Variants in CACNA2D1 observed in about 807,000 individuals in gnomAD.
The protein encoded by CACNA2D1 is calcium voltage-gated channel auxiliary subunit alpha2delta 1.
In CACNA2D1, 53 loss-of-function variants were observed where a neutral mutation model predicts 171.5. The observed-to-expected ratio is 0.31, with a 90% confidence interval of 0.25 to 0.39. CACNA2D1 has a LOEUF of 0.39. CACNA2D1 is among the 10% of genes least tolerant of loss of function. The pLI is 1.00. For synonymous variants in CACNA2D1, 442 were observed against 443.1 expected, an observed-to-expected ratio of 1.00 and a Z score of 0.03; for missense variants, 903 against 1,299.8, an observed-to-expected ratio of 0.69 and a Z score of 4.69.
intron 10 of CACNA2D1, among the ~76,000 whole-genome samples, chr7:82,040,320 A>G (rs1168225398): frequency 1.3e-5 from 2 of 152,124 alleles, no homozygotes; most frequent in East Asian, 3.9e-4. Flanking sequence ...TAATTGAGGA[A>G]TAGAGAAGAG....
intron 3 of CACNA2D1, among the ~76,000 whole-genome samples, chr7:82,198,622 T>C (rs138102138): frequency 0.027 from 4,034 of 151,806 alleles, 99 homozygotes; most frequent in Middle Eastern, 0.089. Flanking sequence ...GGAAAACAAG[T>C]GGGCCCCTTC....
At position 82,086,949 on chromosome 7, in the gene CACNA2D1, G is replaced by A. The variant is rs117771527; in HGVS notation, c.527-2049C>T. 1.7e-3 allele frequency among the ~76,000 whole-genome samples: 252 copies of A among 152,192 alleles called. 3 individuals carry two copies. The East Asian group carries it at 0.019, about 12-fold the overall frequency. Reference sequence around the variant, plus strand: ...CTATTATCCTGGCAATATGTTTTAAGATTTCCAGTTGATGCTTTGAAAATT... The same window carrying A: ...CTATTATCCTGGCAATATGTTTTAAAATTTCCAGTTGATGCTTTGAAAATT... On this transcript the variant is annotated intron_variant, in intron 6 of 38. Transcript: ENST00000356860.
At chr7:82,327,716 A>G (rs910513230) in intron 3 of CACNA2D1, among the ~76,000 whole-genome samples, 1 of 152,172 alleles carries the variant, frequency 6.6e-6, no homozygotes, top group Admixed American at 6.5e-5. Context: ...CAGCTCAAAC[A>G]CGGTGATTTC....
At chr7:82,237,494 A>G (rs1248453413) in intron 3 of CACNA2D1, among the ~76,000 whole-genome samples, 1 of 151,926 alleles carries the variant, frequency 6.6e-6, no homozygotes, top group Non-Finnish European at 1.5e-5. Flanking sequence ...TACATCAGGT[A>G]TGACTAGGTT....
At chr7:82,207,617 C>A (rs1458399400) in intron 3 of CACNA2D1, among the ~76,000 whole-genome samples, 1 of 152,016 alleles carries the variant, frequency 6.6e-6, no homozygotes, top group Non-Finnish European at 1.5e-5. Context: ...AGGACAGAGG[C>A]AATTTTAATC....
intron 3 of CACNA2D1, among the ~76,000 whole-genome samples, chr7:82,243,891 C>T (rs907018420): frequency 2.6e-5 from 4 of 152,244 alleles, no homozygotes; most frequent in Non-Finnish European, 2.9e-5. Context: ...ACTTAAAGGT[C>T]AAAATTTCCA....
intron 3 of CACNA2D1, among the ~76,000 whole-genome samples, chr7:82,239,660 G>A (rs956388495): frequency 2.6e-5 from 4 of 152,140 alleles, no homozygotes; most frequent in Admixed American, 2.6e-4. Context: ...AAAGGTAGTG[G>A]AAGAGTTGTC....
chr7:82,092,059 GACA>G (rs1209295825), intron 6 of CACNA2D1, among the ~76,000 whole-genome samples: 1 of 152,106 alleles, frequency 6.6e-6, no homozygotes, highest in Non-Finnish European at 1.5e-5. Flanking sequence ...GTCTTACATA[GACA>G]ACAACTTTTG....
intron 4 of CACNA2D1, among the ~76,000 whole-genome samples, chr7:82,166,029 T>C (rs1243987864): frequency 6.6e-6 from 1 of 152,038 alleles, no homozygotes; most frequent in Admixed American, 6.6e-5. Flanking sequence ...TACAGTGTGT[T>C]TTCCCATTCC....
At chr7:82,290,975 C>T (rs1264271071) in intron 3 of CACNA2D1, among the ~76,000 whole-genome samples, 2 of 138,878 alleles carry the variant, frequency 1.4e-5, no homozygotes, top group Non-Finnish European at 3.1e-5. Flanking sequence ...ACTTTCTTTT[C>T]TTTTTTTTTT....
chr7:82,266,561 G>C (rs904953610), intron 3 of CACNA2D1, among the ~76,000 whole-genome samples: 9 of 152,058 alleles, frequency 5.9e-5, no homozygotes, highest in African/African-American at 2.2e-4. Context: ...TTGTCACTCA[G>C]GCTGGAGTGC....
At chr7:82,190,025 C>T (rs1798139498) in intron 3 of CACNA2D1, among the ~76,000 whole-genome samples, 1 of 151,786 alleles carries the variant, frequency 6.6e-6, no homozygotes, top group South Asian at 2.1e-4. Flanking sequence ...TTAGGTAACC[C>T]TACTTTGCCT....
rs1458121397 is a variant in CACNA2D1, at chr7:82,203,283, T to C, written c.295-32674A>G. 2.0e-5 allele frequency among the ~76,000 whole-genome samples: 3 copies of C among 152,290 alleles called. No individual in the cohort carries two copies. In the East Asian group the frequency reaches 5.8e-4, roughly 30 times the overall value. ...TAAATATTTTACACAGCTTGGTAGC[T>C]GTGCCATCTATCGTGGACTTGATGG... On this transcript the variant is annotated intron_variant, in intron 3 of 38. Transcript: ENST00000356860.
At chr7:82,426,182 CAT>C (rs1563536500) in intron 1 of CACNA2D1, among the ~76,000 whole-genome samples, 732 of 71,436 alleles carry the variant, frequency 0.01, 7 homozygotes, top group African/African-American at 0.056. Flanking sequence ...TAAATAAATA[CAT>C]AAATTCTATT....
intron 3 of CACNA2D1, among the ~76,000 whole-genome samples, chr7:82,277,711 T>A (rs987539864): frequency 2.0e-4 from 29 of 148,312 alleles, no homozygotes; most frequent in Non-Finnish European, 3.4e-4. Flanking sequence ...AAGATTGTCA[T>A]AAAAAAATGC....
intron 22 of CACNA2D1, among the ~76,000 whole-genome samples, chr7:81,983,863 A>G (rs1796684156): frequency 6.6e-6 from 1 of 152,218 alleles, no homozygotes; most frequent in African/African-American, 2.4e-5. Flanking sequence ...TCAGATGTAA[A>G]ATATATACGT....
chr7:82,175,569 CTGAAAATAGCAGACTTAGG>C (rs1796469996), intron 3 of CACNA2D1, among the ~76,000 whole-genome samples: 1 of 152,010 alleles, frequency 6.6e-6, no homozygotes, highest in Non-Finnish European at 1.5e-5. Flanking sequence ...ACAATACCTA[CTGAAAATAGCAGACTTAGG>C]TGAATAAACA....
intron 6 of CACNA2D1, 54 bp from the exon 7 acceptor site, chr7:82,084,954 A>T: frequency 1.5e-6 from 2 of 1,323,034 alleles, no homozygotes; most frequent in Non-Finnish European, 2.2e-6. Context: ...TTAAAAACTG[A>T]ATGTCTTCAT....
chr7:82,258,152 G>C (rs1267898789), intron 3 of CACNA2D1, among the ~76,000 whole-genome samples: 1 of 152,086 alleles, frequency 6.6e-6, no homozygotes, highest in Non-Finnish European at 1.5e-5. Flanking sequence ...CAAAGAGGAA[G>C]GAATGAATCC....
Sources: allele counts gnomAD v4.1 joint callset (sites outside exome capture counted in the v4.1 genomes callset), GRCh38; gene constraint gnomAD v4.1.1; transcripts MANE v1.5; gene names NCBI Gene and HGNC (gene_info 2026-07-23, HGNC 2026-07-21).